The following SCML4 variants were observed in gnomAD, a reference collection of about 807,000 sequenced individuals.
The protein encoded by SCML4 is Scm polycomb group protein like 4.
SCML4 carries 34 observed loss-of-function variants against 41.1 expected under a neutral mutation model. The observed-to-expected ratio is 0.83, with a 90% CI of 0.63 to 1.10. The LOEUF is 1.10. Ranked by LOEUF, SCML4 falls within the 50% of genes least tolerant of loss-of-function variation. The pLI is 0.00. For synonymous variants in SCML4, 214 were observed against 220.9 expected (o/e 0.97, Z 0.28); for missense variants, 522 against 534.1 (o/e 0.98, Z 0.22).
At chr6:107,834,980 G>GA in the SCML4 span, among the ~76,000 whole-genome samples, 2 of 150,724 alleles carry the variant, frequency 1.3e-5, no homozygotes, top group East Asian at 2.0e-4. Flanking sequence ...TTTCAGGGAG[G>GA]AAAAAAATTA....
intron 1 of SCML4, among the ~76,000 whole-genome samples, chr6:107,775,893 T>G (rs1244960762): frequency 6.6e-6 from 1 of 152,148 alleles, no homozygotes; most frequent in Non-Finnish European, 1.5e-5. Flanking sequence ...TCAAAAAATT[T>G]AGGAACATTT....
At chr6:107,723,145 T>C (rs1775601978) in intron 5 of SCML4, among the ~76,000 whole-genome samples, 1 of 152,260 alleles carries the variant, frequency 6.6e-6, no homozygotes, top group South Asian at 2.1e-4. Context: ...CTTACAGAAA[T>C]TGAAAAAGAT....
At chr6:107,787,263 C>T (rs1011615713) in intron 1 of SCML4, among the ~76,000 whole-genome samples, 7 of 152,198 alleles carry the variant, frequency 4.6e-5, no homozygotes, top group South Asian at 2.1e-4. Flanking sequence ...AATAGAACAA[C>T]ATAATTATTT....
rs1031616443 is a variant in SCML4, at chr6:107,702,345, C to T, written c.*2855G>A. Reference sequence around the variant, plus strand: ...AGACTTGAAATGAGAACATATCTCTCGCCTGAAAACTACTCAAGGGATCTC... The same window carrying T: ...AGACTTGAAATGAGAACATATCTCTTGCCTGAAAACTACTCAAGGGATCTC... On this transcript the variant is annotated 3_prime_UTR_variant, in exon 8 of 8. Coordinates refer to ENST00000369020, the MANE Select transcript of SCML4 (RefSeq NM_198081.5). Among the ~76,000 whole-genome samples the T allele has an allele frequency of 6.6e-6, 1 of 152,146 alleles. No individual in the cohort carries two copies. The highest frequency in any genetic ancestry group is 2.4e-5 in the African/African-American group (1 of 41,438).
At chr6:107,816,764 T>C (rs1274224611) in intron 1 of SCML4, among the ~76,000 whole-genome samples, 1 of 152,240 alleles carries the variant, frequency 6.6e-6, no homozygotes, top group East Asian at 1.9e-4. Flanking sequence ...TTTTAACTCT[T>C]TCCTTGAATG....
the SCML4 span, among the ~76,000 whole-genome samples, chr6:107,840,800 G>A: frequency 1.3e-5 from 2 of 152,106 alleles, no homozygotes; most frequent in African/African-American, 4.8e-5. Context: ...GGAGCCATCT[G>A]AACCCATGCT....
chr6:107,730,752 G>A (rs1776457370), intron 5 of SCML4, among the ~76,000 whole-genome samples: 1 of 152,140 alleles, frequency 6.6e-6, no homozygotes, highest in African/African-American at 2.4e-5. Flanking sequence ...CCTGCTTGTG[G>A]ACTATGGTTC....
At chr6:107,803,067 G>A (rs1179680831) in intron 1 of SCML4, among the ~76,000 whole-genome samples, 1 of 151,938 alleles carries the variant, frequency 6.6e-6, no homozygotes, top group Non-Finnish European at 1.5e-5. Context: ...CCAGGCTGGA[G>A]TGCAGTGGCG....
chr6:107,798,162 C>T (rs1782848176), intron 1 of SCML4, among the ~76,000 whole-genome samples: 1 of 151,914 alleles, frequency 6.6e-6, no homozygotes, highest in South Asian at 2.1e-4. Context: ...GAAGTGTTTC[C>T]TCTGTCTCTG....
At chr6:107,813,385 T>TATATATAA (rs1784324333) in intron 1 of SCML4, among the ~76,000 whole-genome samples, 1 of 14,744 alleles carries the variant, frequency 6.8e-5, no homozygotes, top group Admixed American at 6.9e-4. Flanking sequence ...TATATATATA[T>TATATATAA]ATATATATAT....
At chr6:107,799,212 T>C (rs1192405825) in intron 1 of SCML4, among the ~76,000 whole-genome samples, 1 of 152,196 alleles carries the variant, frequency 6.6e-6, no homozygotes, top group Non-Finnish European at 1.5e-5. Context: ...TATTTCTGTA[T>C]GTTTTTGCTA....
rs149594101 is a variant in SCML4, at chr6:107,708,872, G to T, written c.974-861C>A. 5.9e-3 allele frequency among the ~76,000 whole-genome samples: 895 copies of T among 152,254 alleles called. 2 individuals are homozygous for T. The highest frequency in any genetic ancestry group is 9.2e-3 in the Non-Finnish European group (625 of 68,022). On this transcript the variant is annotated intron_variant, in intron 6 of 7. Coordinates refer to ENST00000369020, the MANE Select transcript of SCML4 (RefSeq NM_198081.5). ...AATATTTAGGGTTGATTTTTTGTGT[G>T]TGTATGTCCCAAACTAATTCATCCT...
rs1293353949 is a variant in SCML4 at position 107,824,012 on chromosome 6, A to T, written c.-60+114T>A. 4 of 152,324 alleles carry T rather than the reference A, an allele frequency of 2.6e-5. No homozygotes were observed. The South Asian group carries it at 6.2e-4, about 24-fold the overall frequency. 9.4% of individuals were successfully genotyped at this position (152,324 alleles called of 1,614,324 possible). On this transcript the variant is annotated intron_variant, in intron 1 of 7. Coordinates refer to ENST00000369020, the MANE Select transcript of SCML4 (RefSeq NM_198081.5). ...GTGCAGGACACTCTTGTGCGTTGCC[A>T]TAGAGGTAGGCATGCAACCCAGAAA...
chr6:107,744,265 G>T (rs376522614), intron 5 of SCML4, among the ~76,000 whole-genome samples: 3 of 152,202 alleles, frequency 2.0e-5, no homozygotes, highest in African/African-American at 7.2e-5. Context: ...CCCTTGGGTA[G>T]ACAACACTGT....
At position 107,703,210 on chromosome 6, in the gene SCML4, T is replaced by C. The variant is rs948408677; in HGVS notation, c.*1990A>G. On this transcript the variant is annotated 3_prime_UTR_variant, in exon 8 of 8. Coordinates refer to ENST00000369020, the MANE Select transcript of SCML4 (RefSeq NM_198081.5). Reference sequence around the variant, plus strand: ...TGACTATGGGGTAGCCATTCTTTCCTTCCTTTACTTTCTTAATAAACTTGC... The same window carrying C: ...TGACTATGGGGTAGCCATTCTTTCCCTCCTTTACTTTCTTAATAAACTTGC... Among the ~76,000 whole-genome samples, 3 of 152,188 alleles carry C rather than the reference T, an allele frequency of 2.0e-5. No individual in the cohort carries two copies. The highest frequency in any genetic ancestry group is 7.2e-5 in the African/African-American group (3 of 41,446).
chr6:107,745,102 G>A lies in SCML4; in HGVS notation c.529C>T (p.Pro177Ser), dbSNP rs750199850. ...FDGKQHLRSL[P>S]VVNSIGYVLR... ...ACATAGCCGATGCTGTTCACCACAG[G>A]CAGGCTCCGCAGGTGCTGTTTGCCA... is the stretch of plus-strand genomic sequence containing the variant. Residue 177 changes from proline to serine, a missense_variant, in exon 5 of 8, where the codon CCT becomes TCT. Physicochemically the swap from Pro to Ser is moderately conservative, Grantham distance 74. Coordinates refer to ENST00000369020, the MANE Select transcript of SCML4 (RefSeq NM_198081.5). The A allele has an allele frequency of 5.0e-6, 8 of 1,603,940 alleles. No individual in the cohort carries two copies. In the Admixed American group the frequency reaches 1.2e-4, roughly 24 times the overall value.
intron 5 of SCML4, among the ~76,000 whole-genome samples, chr6:107,737,078 C>T (rs952744698): frequency 3.3e-5 from 5 of 152,222 alleles, no homozygotes; most frequent in African/African-American, 9.6e-5. Context: ...TTTGTTCTGT[C>T]GTGTTGCATA....
At chr6:107,743,373 G>A (rs566506977) in intron 5 of SCML4, among the ~76,000 whole-genome samples, 8 of 152,310 alleles carry the variant, frequency 5.3e-5, no homozygotes, top group South Asian at 4.1e-4. Context: ...TGGGAGATAC[G>A]GGTTATGCTG....
rs571456852 is a variant in SCML4, at chr6:107,722,802, A to G, written c.683-1809T>C. Among the ~76,000 whole-genome samples, 9 of 152,356 alleles carry G rather than the reference A, an allele frequency of 5.9e-5. No homozygotes were observed. The South Asian group carries it at 1.7e-3, about 28-fold the overall frequency. On this transcript the variant is annotated intron_variant, in intron 5 of 7. Coordinates refer to ENST00000369020, the MANE Select transcript of SCML4 (RefSeq NM_198081.5). Reference sequence around the variant, plus strand: ...GATGTGATACAGATAAGTAGTGGCTAGAGGTAAATTTACAGCTGTAAATAC... The same window carrying G: ...GATGTGATACAGATAAGTAGTGGCTGGAGGTAAATTTACAGCTGTAAATAC...
Sources: allele counts gnomAD v4.1 joint callset (sites outside exome capture counted in the v4.1 genomes callset), GRCh38; gene constraint gnomAD v4.1.1; transcripts MANE v1.5; gene names NCBI Gene and HGNC (gene_info 2026-07-23, HGNC 2026-07-21).